OVCH1: variants seen among roughly 807,000 people sequenced by gnomAD.
The protein encoded by OVCH1 is ovochymase 1.
OVCH1 carries 139 observed loss-of-function variants against 138.4 expected under a neutral mutation model. That is an observed-to-expected ratio of 1.00 (90% CI 0.87 to 1.16). The LOEUF (loss-of-function observed/expected upper bound fraction) is 1.16. OVCH1 is among the 50% of genes most tolerant of loss of function. The pLI, the probability that OVCH1 is intolerant of heterozygous loss-of-function variation, is 0.00. For missense variants in OVCH1, 1,367 were observed against 1,357.9 expected (o/e 1.01, Z -0.11); for synonymous variants, 453 against 467.8 (o/e 0.97, Z 0.41).
rs372102932 is a variant in OVCH1 at position 29,416,383 on chromosome 12, T to TG, written c.*72-3659dup. Among the ~76,000 whole-genome samples, 952 of 152,238 alleles carry TG rather than the reference T, an allele frequency of 6.3e-3. 5 individuals carry two copies. Among genetic ancestry groups the TG allele is most frequent in the African/African-American group, 0.022 (906 of 41,534 alleles). ...AGAGGATGAAGAGACAAGCTAAGAC[T>TG]GGGAGGAACATCTGCAAACCATGTA... On this transcript the variant is annotated intron_variant and NMD_transcript_variant, in intron 3 of 4. Coordinates refer to the OVCH1 transcript ENST00000539117.
At chr12:29,408,257 G>A (rs1425583213), downstream of OVCH1, among the ~76,000 whole-genome samples, 12 of 126,884 alleles carry the variant, frequency 9.5e-5, no homozygotes, top group South Asian at 2.7e-4. Flanking sequence ...CTGCAAACAG[G>A]GACAATTTGA....
At chr12:29,408,365 A>C (rs1940909591), downstream of OVCH1, among the ~76,000 whole-genome samples, 5 of 115,236 alleles carry the variant, frequency 4.3e-5, no homozygotes, top group Admixed American at 4.8e-4. Flanking sequence ...GTGGTGAGAG[A>C]GGACATCCCT....
chr12:29,429,855 C>T lies in OVCH1; in HGVS notation c.3328-2207G>A, dbSNP rs1393562299. Among the ~76,000 whole-genome samples the T allele has an allele frequency of 2.2e-4, 33 of 152,176 alleles. 1 individual carries two copies. Among genetic ancestry groups the T allele is most frequent in the Admixed American group, 2.2e-3 (33 of 15,276 alleles). ...AATGTCTACAAGTAGGTCATTAAAACCTAAACTGTAGCATACTTTATTAAT... is the reference window on the plus strand; with the variant it reads ...AATGTCTACAAGTAGGTCATTAAAATCTAAACTGTAGCATACTTTATTAAT... On this transcript the variant is annotated intron_variant, in intron 27 of 27. Coordinates refer to ENST00000318184, the Ensembl canonical transcript of OVCH1.
chr12:29,436,863 G>A (rs558882630), intron 26 of OVCH1, among the ~76,000 whole-genome samples: 121 of 152,302 alleles, frequency 7.9e-4, no homozygotes, highest in African/African-American at 2.9e-3. Flanking sequence ...GTGAGCAGCA[G>A]CAAGATTTAT....
chr12:29,425,715 T>G (rs1473702192), downstream of OVCH1, among the ~76,000 whole-genome samples: 4 of 152,246 alleles, frequency 2.6e-5, no homozygotes, highest in Non-Finnish European at 4.4e-5. Context: ...AGTTTTCATC[T>G]TCATGAGATT....
chr12:29,485,317 TAAAAAAAAAA>T lies in OVCH1; in HGVS notation c.995+919_995+928del, dbSNP rs869216306. Among the ~76,000 whole-genome samples, 9 of 89,842 alleles carry T rather than the reference TAAAAAAAAAA, an allele frequency of 1.0e-4. No homozygotes were observed. In the East Asian group the frequency reaches 1.8e-3, roughly 18 times the overall value. 58.9% of individuals were successfully genotyped at this position (89,842 alleles called of 152,430 possible). The stretch of plus-strand genomic sequence containing the variant: ...TGGGTGGAGAACAAGACCCAGTCTT[TAAAAAAAAAA>T]AAAAAAAAAAAAAAGATGTCAAATA... On this transcript the variant is annotated intron_variant, in intron 8 of 27. Coordinates refer to ENST00000318184, the Ensembl canonical transcript of OVCH1.
At chr12:29,403,690 C>T in the OVCH1 span, among the ~76,000 whole-genome samples, 1 of 152,130 alleles carries the variant, frequency 6.6e-6, no homozygotes, top group African/African-American at 2.4e-5. Flanking sequence ...GGTCAATTGA[C>T]GTGCCTGATA....
intron 19 of OVCH1, among the ~76,000 whole-genome samples, chr12:29,457,398 T>C (rs925959308): frequency 8.2e-6 from 1 of 121,774 alleles, no homozygotes; most frequent in Admixed American, 8.5e-5. Flanking sequence ...TTTTTTTTTT[T>C]TTTTTTTTTT....
chr12:29,442,574 T>C (rs1941514694), intron 25 of OVCH1, among the ~76,000 whole-genome samples: 1 of 151,756 alleles, frequency 6.6e-6, no homozygotes, highest in Non-Finnish European at 1.5e-5. Flanking sequence ...TATACATATG[T>C]AACTAACTGC....
intron 19 of OVCH1, among the ~76,000 whole-genome samples, chr12:29,456,034 T>C (rs973237943): frequency 6.6e-6 from 1 of 152,202 alleles, no homozygotes. Context: ...AATGTATTCA[T>C]TCTAATTCTA....
At chr12:29,436,696 G>A (rs191104958) in intron 26 of OVCH1, among the ~76,000 whole-genome samples, 31 of 145,782 alleles carry the variant, frequency 2.1e-4, no homozygotes, top group African/African-American at 8.4e-4. Flanking sequence ...GAGTGAAGCC[G>A]CAGACCTTCA....
At chr12:29,436,610 CGTGTCTAGAGTTTGTTCCTTCAGAT>C (rs1241835853) in intron 26 of OVCH1, among the ~76,000 whole-genome samples, 1 of 152,074 alleles carries the variant, frequency 6.6e-6, no homozygotes, top group Non-Finnish European at 1.5e-5. Flanking sequence ...TTAAAGATGG[CGTGTCTAGAGTTTGTTCCTTCAGAT>C]GTGTCCAGAG....
At chr12:29,423,425 ACAAGAT>A (rs1459571958), downstream of OVCH1, 2 of 381,558 alleles carry the variant, frequency 5.2e-6, no homozygotes, top group African/African-American at 4.2e-5. Context: ...TGTCAGGAAT[ACAAGAT>A]CAAGATTTGT....
intron 4 of OVCH1, 86 bp from the exon 5 acceptor site, chr12:29,491,278 G>A (rs1039202297): frequency 8.1e-6 from 9 of 1,107,624 alleles, no homozygotes; most frequent in Admixed American, 4.3e-5. Context: ...TGATTTCATG[G>A]CTTCTACACT....
chr12:29,477,782 CGCA>C (rs776593443), intron 9 of OVCH1, among the ~76,000 whole-genome samples: 14 of 152,150 alleles, frequency 9.2e-5, no homozygotes, highest in Non-Finnish European at 1.8e-4. Flanking sequence ...TTTGAATCAG[CGCA>C]GCACTTCCCT....
At chr12:29,419,774 G>T (rs1255492858) in intron 3 of OVCH1, among the ~76,000 whole-genome samples, 1 of 152,074 alleles carries the variant, frequency 6.6e-6, no homozygotes, top group South Asian at 2.1e-4. Context: ...ATTAAGTCTG[G>T]CATTGCCTTA....
At chr12:29,439,966 C>T (rs1425437060) in intron 25 of OVCH1, among the ~76,000 whole-genome samples, 1 of 152,154 alleles carries the variant, frequency 6.6e-6, no homozygotes, top group Non-Finnish European at 1.5e-5. Context: ...CTGGGTACAC[C>T]ATCCTCCCAG....
chr12:29,451,284 C>T, intron 22 of OVCH1, 61 bp downstream of exon 22: 1 of 1,364,464 alleles, frequency 7.3e-7, no homozygotes, highest in Non-Finnish European at 1.0e-6. Flanking sequence ...CATTCCTGAT[C>T]ATAAGCTGCC....
chr12:29,417,460 C>CA (rs759067203), intron 3 of OVCH1, among the ~76,000 whole-genome samples: 15,176 of 60,194 alleles, frequency 0.25, 2,404 homozygotes, highest in Non-Finnish European at 0.29. Context: ...CACTCCGTCT[C>CA]AAAAAAAAAA....
Sources: gnomAD v4.1 joint callset for allele counts (sites outside exome capture counted in the v4.1 genomes callset) on GRCh38, gnomAD v4.1.1 for gene constraint, MANE v1.5 for transcripts, NCBI Gene and HGNC (gene_info 2026-07-23, HGNC 2026-07-21) for gene names.